The following TMEM131L variants were observed in gnomAD, a reference collection of about 807,000 sequenced individuals.
The protein encoded by TMEM131L is transmembrane 131 like.
In TMEM131L, 54 loss-of-function variants were observed where a neutral mutation model predicts 192.2. That is an observed-to-expected ratio of 0.28 (90% confidence interval 0.23 to 0.35). The LOEUF is 0.35. Ranked by LOEUF, TMEM131L falls within the 10% of genes least tolerant of loss-of-function variation. The pLI, the probability that TMEM131L is intolerant of heterozygous loss-of-function variation, is 1.00. For synonymous variants in TMEM131L, 701 were observed against 704.9 expected, an observed-to-expected ratio of 0.99 and a Z score of 0.09; for missense variants, 1,888 against 1,972.9, an observed-to-expected ratio of 0.96 and a Z score of 0.82.
chr4:153,519,309 G>A (rs931460580), intron 3 of TMEM131L, among the ~76,000 whole-genome samples: 1 of 152,142 alleles, frequency 6.6e-6, no homozygotes, highest in Non-Finnish European at 1.5e-5. Flanking sequence ...GCTTTTCATG[G>A]AAACTGCTGA....
intron 3 of TMEM131L, among the ~76,000 whole-genome samples, chr4:153,537,650 C>T (rs766721026): frequency 2.6e-5 from 4 of 152,254 alleles, no homozygotes; most frequent in South Asian, 2.1e-4. Flanking sequence ...TGGTGGGTTT[C>T]GGCCGGCTTC....
At chr4:153,505,171 A>G (rs796084815) in intron 3 of TMEM131L, among the ~76,000 whole-genome samples, 17 of 151,292 alleles carry the variant, frequency 1.1e-4, no homozygotes, top group African/African-American at 3.6e-4. Context: ...CAACAGCACA[A>G]TCTCGGCTCA....
chr4:153,528,914 G>C (rs1466502806), intron 3 of TMEM131L, among the ~76,000 whole-genome samples: 1 of 152,176 alleles, frequency 6.6e-6, no homozygotes, highest in African/African-American at 2.4e-5. Flanking sequence ...ACCAGTCTTT[G>C]AATTTTGGCA....
chr4:153,539,175 G>A (rs1401738347), intron 3 of TMEM131L, among the ~76,000 whole-genome samples: 2 of 152,164 alleles, frequency 1.3e-5, no homozygotes, highest in Non-Finnish European at 2.9e-5. Context: ...CCCAAAAGGG[G>A]GGGAGGCGGA....
chr4:153,486,597 G>A (rs538075206), intron 3 of TMEM131L, among the ~76,000 whole-genome samples: 3 of 152,298 alleles, frequency 2.0e-5, no homozygotes, highest in South Asian at 4.1e-4. Context: ...TCTGTGTGCC[G>A]TGCAGCTCCC....
At chr4:153,611,523 A>G (rs1732612153) in intron 25 of TMEM131L, among the ~76,000 whole-genome samples, 1 of 152,234 alleles carries the variant, frequency 6.6e-6, no homozygotes, top group African/African-American at 2.4e-5. Context: ...GGCATTAAGT[A>G]TATTCACATA....
intron 3 of TMEM131L, among the ~76,000 whole-genome samples, chr4:153,499,931 C>G (rs1733472460): frequency 6.6e-6 from 1 of 152,096 alleles, no homozygotes. Flanking sequence ...CACATCTCTT[C>G]TCTAGGTTGG....
chr4:153,546,002 C>A (rs1193805484), intron 3 of TMEM131L, among the ~76,000 whole-genome samples: 1 of 152,092 alleles, frequency 6.6e-6, no homozygotes, highest in African/African-American at 2.4e-5. Flanking sequence ...TCCACCTCAG[C>A]CTCCTCAGTA....
chr4:153,615,134 C>T (rs1346964560), intron 26 of TMEM131L, among the ~76,000 whole-genome samples: 2 of 152,226 alleles, frequency 1.3e-5, no homozygotes, highest in African/African-American at 2.4e-5. Context: ...AGTTATTTAA[C>T]ATTGCATTTT....
chr4:153,615,780 A>G (rs1395301671), intron 26 of TMEM131L, among the ~76,000 whole-genome samples: 1 of 152,158 alleles, frequency 6.6e-6, no homozygotes, highest in African/African-American at 2.4e-5. Context: ...GATTATCCCA[A>G]GGTCCCTTCA....
Position 153,635,421 on chromosome 4 carries a change from A to C in TMEM131L, c.4418-11A>C. 6.2e-7 allele frequency: 1 copy of C among 1,613,272 alleles called. No individual in the cohort carries two copies. The highest frequency in any genetic ancestry group is 8.5e-7 in the Non-Finnish European group (1 of 1,179,378). On this transcript the variant is annotated splice_polypyrimidine_tract_variant and intron_variant, in intron 33 of 34. Coordinates refer to ENST00000409959, the MANE Select transcript of TMEM131L (RefSeq NM_001131007.2). ...TGTTTACCTATGATGATATTCTCCC[A>C]TTCTTTGTAGAAAACATGAACTATG... is the stretch of plus-strand genomic sequence containing the variant.
In TMEM131L at chr4:153,550,069, T is replaced by G. The variant is rs1205840785; in HGVS notation, c.240-4T>G. On this transcript the variant is annotated splice_region_variant and splice_polypyrimidine_tract_variant and intron_variant, in intron 3 of 34. Transcript: ENST00000409959. ...CAAAATCAACCTCTCTTTTCTTTTT[T>G]TAGCTTCTCGGACAAACTATTTAGT... The G allele has an allele frequency of 6.9e-7, 1 of 1,454,952 alleles. No homozygotes were observed. Among genetic ancestry groups the G allele is most frequent in the Non-Finnish European group, 9.2e-7 (1 of 1,089,064 alleles). 90.1% of individuals were successfully genotyped at this position (1,454,952 alleles called of 1,614,324 possible).
intron 3 of TMEM131L, among the ~76,000 whole-genome samples, chr4:153,490,640 T>C (rs1465921321): frequency 6.6e-6 from 1 of 152,086 alleles, no homozygotes; most frequent in Non-Finnish European, 1.5e-5. Flanking sequence ...TGCTCCTTGT[T>C]GGAAACAAAA....
rs185121307 is a variant in TMEM131L at position 153,567,885 on chromosome 4, T to C, written c.660+9517T>C. Among the ~76,000 whole-genome samples the C allele has an allele frequency of 3.3e-5, 5 of 152,242 alleles. No individual in the cohort carries two copies. The East Asian group carries it at 9.7e-4, about 29-fold the overall frequency. On this transcript the variant is annotated intron_variant, in intron 7 of 34. Coordinates refer to ENST00000409959, the MANE Select transcript of TMEM131L (RefSeq NM_001131007.2). ...GTTATGTGGGAATAAGGCACCAAAC[T>C]TTGAACTGGGGGCTCTCTGGAAATC...
At chr4:153,509,440 A>G (rs1734206241) in intron 3 of TMEM131L, among the ~76,000 whole-genome samples, 1 of 151,844 alleles carries the variant, frequency 6.6e-6, no homozygotes, top group South Asian at 2.1e-4. Flanking sequence ...AAAAACTATC[A>G]TTTTGGCTGG....
chr4:153,529,025 G>C (rs924522374), intron 3 of TMEM131L, among the ~76,000 whole-genome samples: 2 of 152,032 alleles, frequency 1.3e-5, no homozygotes, highest in African/African-American at 4.8e-5. Flanking sequence ...ACCTTCCATT[G>C]CTTTTATCCC....
intron 3 of TMEM131L, among the ~76,000 whole-genome samples, chr4:153,509,398 C>T (rs1158160923): frequency 6.6e-6 from 1 of 150,946 alleles, no homozygotes; most frequent in Non-Finnish European, 1.5e-5. Flanking sequence ...GAAAAATCTA[C>T]AAATTAGAAA....
At chr4:153,567,809 C>G (rs1729325152) in intron 7 of TMEM131L, among the ~76,000 whole-genome samples, 1 of 152,090 alleles carries the variant, frequency 6.6e-6, no homozygotes, top group Non-Finnish European at 1.5e-5. Context: ...TCCCAAAGTG[C>G]TGGGATTACA....
intron 26 of TMEM131L, among the ~76,000 whole-genome samples, chr4:153,614,874 A>G (rs1732867266): frequency 6.6e-6 from 1 of 152,120 alleles, no homozygotes; most frequent in African/African-American, 2.4e-5. Context: ...TAGAAGAGAA[A>G]ACCATCAGGA....
Sources: allele counts gnomAD v4.1 joint callset (sites outside exome capture counted in the v4.1 genomes callset), GRCh38; gene constraint gnomAD v4.1.1; transcripts MANE v1.5; gene names NCBI Gene and HGNC (gene_info 2026-07-23, HGNC 2026-07-21).